Variants in EPHA6 observed in about 807,000 individuals in gnomAD.
EPHA6 encodes ephrin type-A receptor 6.
EPHA6 carries 50 observed loss-of-function variants against 112.0 expected under a neutral mutation model. That is an observed-to-expected ratio of 0.45 (90% CI 0.36 to 0.56). EPHA6 has a LOEUF of 0.56. Among genes scored for constraint, EPHA6 ranks in the 20% least tolerant of loss-of-function variants. The pLI, the probability that EPHA6 is intolerant of heterozygous loss-of-function variation, is 0.00. For synonymous variants in EPHA6, 529 were observed against 490.7 expected (o/e 1.08, Z -1.03); for missense variants, 1,280 against 1,417.4 (o/e 0.90, Z 1.56).
chr3:97,468,355 G>A (rs975483290), intron 7 of EPHA6, among the ~76,000 whole-genome samples: 2 of 151,436 alleles, frequency 1.3e-5, no homozygotes, highest in Middle Eastern at 6.4e-3. Context: ...AAAAATATCA[G>A]TATAATACTA....
intron 5 of EPHA6, among the ~76,000 whole-genome samples, chr3:97,393,586 A>G (rs745560211): frequency 1.3e-5 from 2 of 151,736 alleles, no homozygotes; most frequent in Non-Finnish European, 2.9e-5. Context: ...GCAGATACAG[A>G]TAGTGAGAGT....
intron 2 of EPHA6, among the ~76,000 whole-genome samples, chr3:96,873,542 T>G (rs1307322204): frequency 6.6e-6 from 1 of 152,164 alleles, no homozygotes; most frequent in Non-Finnish European, 1.5e-5. Context: ...GCCTTCTGTT[T>G]TCTTGCAATG....
chr3:97,441,143 G>T (rs186834128), intron 6 of EPHA6, among the ~76,000 whole-genome samples: 1 of 151,774 alleles, frequency 6.6e-6, no homozygotes, highest in East Asian at 1.9e-4. Context: ...CCCAAATATC[G>T]TGAGATTGAA....
intron 3 of EPHA6, among the ~76,000 whole-genome samples, chr3:97,001,184 T>G (rs2043650629): frequency 6.6e-6 from 1 of 151,830 alleles, no homozygotes; most frequent in African/African-American, 2.4e-5. Flanking sequence ...GAAAATGTGA[T>G]TATTTTCATA....
intron 5 of EPHA6, among the ~76,000 whole-genome samples, chr3:97,289,266 AAGAT>A (rs1559854671): frequency 6.6e-6 from 1 of 152,122 alleles, no homozygotes. Context: ...TATAAGGTGA[AAGAT>A]AGGTATCCAA....
At chr3:97,596,621 G>A (rs1016905953) in intron 12 of EPHA6, among the ~76,000 whole-genome samples, 5 of 151,366 alleles carry the variant, frequency 3.3e-5, no homozygotes, top group African/African-American at 9.7e-5. Context: ...CAACCTATAA[G>A]ATGTAAAGGC....
In EPHA6 at chr3:96,854,735, T is replaced by G. The variant is rs533152399; in HGVS notation, c.386-12090T>G. On this transcript the variant is annotated intron_variant, in intron 1 of 17. Coordinates refer to ENST00000389672, the MANE Select transcript of EPHA6 (RefSeq NM_001080448.3). ...AAAATGGAGAAATCAGATTTTCATT[T>G]CAGACAGACCACTGAGGCTGCATTG... Among the ~76,000 whole-genome samples, 21 of 152,244 alleles carry G rather than the reference T, an allele frequency of 1.4e-4. No individual in the cohort carries two copies. The South Asian group carries it at 4.1e-3, about 30-fold the overall frequency.
intron 1 of EPHA6, among the ~76,000 whole-genome samples, chr3:96,831,265 T>C (rs1421835124): frequency 6.6e-6 from 1 of 152,130 alleles, no homozygotes; most frequent in Non-Finnish European, 1.5e-5. Flanking sequence ...AACTGTGTGC[T>C]AAACACCATA....
At chr3:97,538,174 G>T (rs1240444585) in intron 11 of EPHA6, among the ~76,000 whole-genome samples, 1 of 152,092 alleles carries the variant, frequency 6.6e-6, no homozygotes, top group Admixed American at 6.5e-5. Flanking sequence ...AATATAAGGA[G>T]GCTAGTGTAG....
At chr3:96,959,548 G>A (rs1243715685) in intron 2 of EPHA6, among the ~76,000 whole-genome samples, 3 of 151,846 alleles carry the variant, frequency 2.0e-5, no homozygotes, top group Non-Finnish European at 2.9e-5. Context: ...TCCTTTTGAT[G>A]TCATATCTAA....
intron 10 of EPHA6, among the ~76,000 whole-genome samples, chr3:97,517,049 C>T (rs1486536445): frequency 6.6e-6 from 1 of 152,084 alleles, no homozygotes; most frequent in Non-Finnish European, 1.5e-5. Flanking sequence ...TTAATCATGT[C>T]TTCATGACTT....
At chr3:97,683,713 A>G (rs2032037779) in intron 14 of EPHA6, among the ~76,000 whole-genome samples, 2 of 152,088 alleles carry the variant, frequency 1.3e-5, no homozygotes, top group African/African-American at 4.8e-5. Context: ...CCAACCCCAC[A>G]CAAGGCCCAC....
intron 2 of EPHA6, among the ~76,000 whole-genome samples, chr3:96,880,821 G>A (rs1467449879): frequency 1.4e-4 from 21 of 152,022 alleles, no homozygotes; most frequent in Non-Finnish European, 1.3e-4. Flanking sequence ...TTTACTTAGC[G>A]TGGTTTTGTT....
At chr3:97,537,844 G>T (rs1378912665) in intron 11 of EPHA6, among the ~76,000 whole-genome samples, 1 of 152,140 alleles carries the variant, frequency 6.6e-6, no homozygotes, top group African/African-American at 2.4e-5. Flanking sequence ...CTCCCAAAGT[G>T]CTGGGATTAT....
intron 3 of EPHA6, among the ~76,000 whole-genome samples, chr3:97,122,873 T>C (rs973038917): frequency 6.6e-6 from 1 of 152,018 alleles, no homozygotes; most frequent in African/African-American, 2.4e-5. Context: ...ATCCTGCTGT[T>C]TTATGAAAAA....
At chr3:97,324,425 C>CTTTG (rs1553746307) in intron 5 of EPHA6, among the ~76,000 whole-genome samples, 3 of 143,308 alleles carry the variant, frequency 2.1e-5, no homozygotes, top group Non-Finnish European at 3.0e-5. Context: ...TTCTTTCTTT[C>CTTTG]TTTCTTTCTT....
chr3:97,555,755 CCCACTTTTTG>C (rs1262707758), intron 11 of EPHA6, among the ~76,000 whole-genome samples: 3 of 152,088 alleles, frequency 2.0e-5, no homozygotes, highest in African/African-American at 7.2e-5. Flanking sequence ...ATATCCTTCA[CCCACTTTTTG>C]ATGGGGTTGT....
chr3:97,464,153 A>T (rs2090980303), intron 7 of EPHA6, among the ~76,000 whole-genome samples: 1 of 152,132 alleles, frequency 6.6e-6, no homozygotes, highest in Non-Finnish European at 1.5e-5. Context: ...GAAAATTGCC[A>T]AACTGATTGT....
At chr3:97,134,305 A>G (rs114319951) in intron 3 of EPHA6, among the ~76,000 whole-genome samples, 80 of 152,188 alleles carry the variant, frequency 5.3e-4, no homozygotes, top group East Asian at 5.2e-3. Context: ...TAATAAGGCA[A>G]ATTAGTAGTT....
Sources: gnomAD v4.1 joint callset for allele counts (sites outside exome capture counted in the v4.1 genomes callset) on GRCh38, gnomAD v4.1.1 for gene constraint, MANE v1.5 for transcripts, NCBI Gene and HGNC (gene_info 2026-07-23, HGNC 2026-07-21) for gene names.